EIF4E: variants seen among roughly 807,000 people sequenced by gnomAD.
The protein encoded by EIF4E is eIF-4F 25 kDa subunit.
For missense variants in EIF4E, 113 were observed against 265.6 expected (o/e 0.43, Z 3.99); for synonymous variants, 71 against 88.5 (o/e 0.80, Z 1.11).
At chr4:98,893,099 G>A (rs897450505) in intron 2 of EIF4E, among the ~76,000 whole-genome samples, 3 of 152,076 alleles carry the variant, frequency 2.0e-5, no homozygotes, top group African/African-American at 7.2e-5. Context: ...TAAAAGTTAC[G>A]TTTACACTAT....
intron 1 of EIF4E, among the ~76,000 whole-genome samples, chr4:98,911,892 T>C (rs980575924): frequency 6.6e-6 from 1 of 150,712 alleles, no homozygotes; most frequent in African/African-American, 2.4e-5. Flanking sequence ...ACAAGGCTAA[T>C]GATAAAATTT....
intron 3 of EIF4E, among the ~76,000 whole-genome samples, chr4:98,888,649 C>T (rs891027382): frequency 1.3e-5 from 2 of 152,166 alleles, no homozygotes; most frequent in Admixed American, 6.5e-5. Context: ...GACTTAGTTG[C>T]TTGCCTGAAG....
intron 6 of EIF4E, among the ~76,000 whole-genome samples, chr4:98,882,174 C>T (rs1294983343): frequency 4.6e-5 from 7 of 151,630 alleles, no homozygotes; most frequent in African/African-American, 1.7e-4. Flanking sequence ...GGGCGGATCA[C>T]GAGGTCAGGA....
At chr4:98,900,794 T>C (rs1724611480) in intron 2 of EIF4E, among the ~76,000 whole-genome samples, 1 of 152,168 alleles carries the variant, frequency 6.6e-6, no homozygotes. Flanking sequence ...AATGAACTAA[T>C]ACTCAATTTC....
chr4:98,895,215 T>C (rs182999323), intron 2 of EIF4E: 1 of 152,338 alleles, frequency 6.6e-6, no homozygotes, highest in African/African-American at 2.4e-5. Context: ...AGTGAGCACA[T>C]GCCATTGGAA....
At chr4:98,919,038 G>A (rs1461055444) in intron 1 of EIF4E, among the ~76,000 whole-genome samples, 1 of 152,128 alleles carries the variant, frequency 6.6e-6, no homozygotes, top group Non-Finnish European at 1.5e-5. Context: ...CCTGGGTGTG[G>A]TGGCTCATGC....
intron 1 of EIF4E, among the ~76,000 whole-genome samples, chr4:98,921,536 T>C (rs944358845): frequency 2.6e-5 from 4 of 152,102 alleles, no homozygotes; most frequent in African/African-American, 9.7e-5. Context: ...GCTTGGCTAA[T>C]TTTTGTATTT....
intron 5 of EIF4E, among the ~76,000 whole-genome samples, chr4:98,885,878 CAGA>C (rs1392962820): frequency 1.3e-5 from 2 of 152,176 alleles, no homozygotes; most frequent in African/African-American, 4.8e-5. Flanking sequence ...CATCCATCTC[CAGA>C]AGATTTTTTT....
At position 98,929,066 on chromosome 4, in the gene EIF4E, T is replaced by G. The variant is rs368668353; in HGVS notation, c.18+29A>C. 99 of 1,576,580 alleles carry G rather than the reference T, an allele frequency of 6.3e-5. No homozygotes were observed. In the African/African-American group the frequency reaches 1.1e-3, roughly 18 times the overall value. On this transcript the variant is annotated intron_variant, in intron 1 of 6. Coordinates refer to ENST00000450253, the MANE Select transcript of EIF4E (RefSeq NM_001968.5). ...AAGGAAGACGGAGCGCGGGGACCCG[T>G]GGGGGTGGGGGCCAAAGGCAATACT... is the stretch of plus-strand genomic sequence containing the variant.
chr4:98,884,777 G>C, intron 6 of EIF4E, 145 bp downstream of exon 6: 1 of 1,104,584 alleles, frequency 9.1e-7, no homozygotes, highest in Non-Finnish European at 1.3e-6. Context: ...CAATTGAGCC[G>C]TTCAAAATTA....
rs1349763821 is a variant in EIF4E at position 98,880,128 on chromosome 4, C to T, written c.*900G>A. The T allele has an allele frequency of 6.6e-6, 1 of 152,396 alleles. No homozygotes were observed. The highest frequency in any genetic ancestry group is 1.5e-5 in the Non-Finnish European group (1 of 67,956). 9.4% of individuals were successfully genotyped at this position (152,396 alleles called of 1,614,324 possible). A position where few individuals can be genotyped will look rare whatever the true frequency, so the allele number is the denominator to read the frequency against. Reference sequence around the variant, plus strand: ...CACTGTCTTAATATGAATGGGACTGCTTTTCTACTTGAGCCATTTTTAACC... The same window carrying T: ...CACTGTCTTAATATGAATGGGACTGTTTTTCTACTTGAGCCATTTTTAACC... On this transcript the variant is annotated 3_prime_UTR_variant, in exon 7 of 7. Coordinates refer to ENST00000450253, the MANE Select transcript of EIF4E (RefSeq NM_001968.5).
At chr4:98,891,375 C>A in intron 2 of EIF4E, 43 bp from the exon 3 acceptor site, 1 of 1,553,088 alleles carries the variant, frequency 6.4e-7, no homozygotes, top group Non-Finnish European at 8.8e-7. Flanking sequence ...AGCTGCATAC[C>A]CATGTTAAAA....
chr4:98,919,635 T>C (rs1232162443), intron 1 of EIF4E, among the ~76,000 whole-genome samples: 2 of 150,378 alleles, frequency 1.3e-5, no homozygotes, highest in South Asian at 4.2e-4. Context: ...CTTGGCTCAC[T>C]GCAACCTCCG....
At position 98,880,216 on chromosome 4, in the gene EIF4E, A is replaced by C. The variant is rs982626507; in HGVS notation, c.*812T>G. The C allele has an allele frequency of 6.7e-6, 1 of 149,676 alleles. No individual in the cohort carries two copies. Among genetic ancestry groups the C allele is most frequent in the Non-Finnish European group, 1.5e-5 (1 of 67,406 alleles). 9.3% of individuals were successfully genotyped at this position (149,676 alleles called of 1,614,324 possible). ...ACAGCATAAAGATACAAAAACAGACATACTAATTCTAGTTAGGAATGTAAT... is the reference window on the plus strand; with the variant it reads ...ACAGCATAAAGATACAAAAACAGACCTACTAATTCTAGTTAGGAATGTAAT... On this transcript the variant is annotated 3_prime_UTR_variant, in exon 7 of 7. Coordinates refer to ENST00000450253, the MANE Select transcript of EIF4E (RefSeq NM_001968.5).
At position 98,887,214 on chromosome 4, in the gene EIF4E, G is replaced by GTAT. The variant is rs776677679; in HGVS notation, c.286-25_286-23dup. ...CATCCTACAGGGTTAGAAGACAACA[G>GTAT]TATTACACAACATTGTTACCTTGAC... On this transcript the variant is annotated intron_variant, in intron 4 of 6. Coordinates refer to ENST00000450253, the MANE Select transcript of EIF4E (RefSeq NM_001968.5). The surrounding 1 kb of genome is among the most constrained non-coding windows in gnomAD (Gnocchi z 4.0). 14 of 1,604,092 alleles carry GTAT rather than the reference G, an allele frequency of 8.7e-6. No individual in the cohort carries two copies. The South Asian group carries it at 1.4e-4, about 16-fold the overall frequency.
intron 1 of EIF4E, among the ~76,000 whole-genome samples, chr4:98,925,468 A>T (rs1725826947): frequency 6.6e-6 from 1 of 152,232 alleles, no homozygotes; most frequent in African/African-American, 2.4e-5. Flanking sequence ...AAATGCCGAT[A>T]GAATAACATC....
chr4:98,903,856 A>T (rs1308957433), intron 1 of EIF4E, among the ~76,000 whole-genome samples: 1 of 152,208 alleles, frequency 6.6e-6, no homozygotes, highest in Admixed American at 6.5e-5. Flanking sequence ...ACTTACCAGT[A>T]AATTTAAGTG....
intron 2 of EIF4E, among the ~76,000 whole-genome samples, chr4:98,901,452 GCCTCC>G (rs1724645849): frequency 2.0e-5 from 3 of 151,926 alleles, no homozygotes; most frequent in Non-Finnish European, 4.4e-5. Context: ...GCCCGCCTCC[GCCTCC>G]GCCTCCGCCT....
At chr4:98,898,200 T>C (rs1036231510) in intron 2 of EIF4E, among the ~76,000 whole-genome samples, 3 of 152,192 alleles carry the variant, frequency 2.0e-5, no homozygotes, top group Admixed American at 1.3e-4. Context: ...TATTCTCCCT[T>C]TTCCAACCAA....
Sources: allele counts gnomAD v4.1 joint callset (sites outside exome capture counted in the v4.1 genomes callset), GRCh38; gene constraint gnomAD v4.1.1; non-coding constraint Gnocchi (gnomAD v3.1); transcripts MANE v1.5; gene names NCBI Gene and HGNC (gene_info 2026-07-23, HGNC 2026-07-21).